TAF12: variants seen among roughly 807,000 people sequenced by gnomAD.
TAF12 encodes TATA-box binding protein associated factor 12, also known as transcription initiation factor TFIID subunit 12.
Under a neutral mutation model 20.8 loss-of-function variants are expected in TAF12, and 3 were observed. The ratio of observed to expected loss-of-function variants is 0.14; its 90% CI spans 0.07 to 0.37. The LOEUF (loss-of-function observed/expected upper bound fraction) is 0.37, where lower values mean the gene tolerates loss of function less well. Among genes scored for constraint, TAF12 ranks in the 10% least tolerant of loss-of-function variants. TAF12 has a pLI of 1.00. For synonymous variants in TAF12, 69 were observed against 70.2 expected, an observed-to-expected ratio of 0.98 and a Z score of 0.09; for missense variants, 131 against 197.9, an observed-to-expected ratio of 0.66 and a Z score of 2.03.
At chr1:28,613,611 C>T (rs781043465) in intron 3 of TAF12, among the ~76,000 whole-genome samples, 17 of 152,216 alleles carry the variant, frequency 1.1e-4, no homozygotes, top group Admixed American at 6.6e-5. Context: ...CCAATCCCTA[C>T]CCTCCATATC....
At chr1:28,645,727 T>C (rs928964317), upstream of TAF12, among the ~76,000 whole-genome samples, 3 of 151,962 alleles carry the variant, frequency 2.0e-5, no homozygotes, top group Non-Finnish European at 2.9e-5. Context: ...TCCCAGCATT[T>C]TGGGAGGCCG....
chr1:28,624,797 GTTCTCCTGGTTTACGCT>G (rs1263057159), intron 1 of TAF12, among the ~76,000 whole-genome samples: 1 of 151,856 alleles, frequency 6.6e-6, no homozygotes, highest in Admixed American at 6.6e-5. Context: ...AAGAAATCAT[GTTCTCCTGGTTTACGCT>G]TAATAAAGGC....
intron 1 of TAF12, among the ~76,000 whole-genome samples, chr1:28,624,524 A>T (rs757349920): frequency 1.4e-4 from 21 of 152,180 alleles, no homozygotes; most frequent in Non-Finnish European, 2.9e-4. Context: ...AGGCAGGCAG[A>T]TCACTTGAGG....
chr1:28,624,239 A>G (rs1004519837), intron 1 of TAF12, among the ~76,000 whole-genome samples: 2 of 152,140 alleles, frequency 1.3e-5, no homozygotes, highest in Admixed American at 1.3e-4. Flanking sequence ...GCACATATAG[A>G]CCACCTTCTT....
chr1:28,608,998 CATGTAT>C (rs1557457388), intron 4 of TAF12, among the ~76,000 whole-genome samples: 2 of 152,074 alleles, frequency 1.3e-5, no homozygotes, highest in Non-Finnish European at 2.9e-5. Flanking sequence ...TGAATACATA[CATGTAT>C]GTGTGTCTAT....
In TAF12 at chr1:28,617,947, C is replaced by G; in HGVS notation, c.246+6G>C. 1 of 1,614,060 alleles carries G rather than the reference C, an allele frequency of 6.2e-7. No homozygotes were observed. On this transcript the variant is annotated splice_donor_region_variant and intron_variant, in intron 3 of 5. Transcript: ENST00000373824. ...CCAGTTTCTGGGGTACCCAACCCCA[C>G]CTTACCTCCTCCACATCTTCATCCA... is the stretch of plus-strand genomic sequence containing the variant.
At chr1:28,647,479 G>C (rs967575512), upstream of TAF12, among the ~76,000 whole-genome samples, 1 of 151,886 alleles carries the variant, frequency 6.6e-6, no homozygotes, top group Non-Finnish European at 1.5e-5. Flanking sequence ...GTAGGGACGA[G>C]GTCTCTATAT....
intron 3 of TAF12, among the ~76,000 whole-genome samples, chr1:28,615,733 C>T (rs529385540): frequency 2.3e-4 from 28 of 122,154 alleles, no homozygotes; most frequent in African/African-American, 8.6e-4. Flanking sequence ...GATAAATCCT[C>T]AAGATAGGAG....
At chr1:28,607,271 C>T (rs1448683800) in intron 4 of TAF12, among the ~76,000 whole-genome samples, 1 of 152,238 alleles carries the variant, frequency 6.6e-6, no homozygotes, top group African/African-American at 2.4e-5. Context: ...GTGGCTCATT[C>T]CTGTAATCTC....
chr1:28,603,576 TGAAAG>T lies in TAF12; in HGVS notation c.451-7_451-3del. 6.2e-7 allele frequency: 1 copy of T among 1,613,760 alleles called. No homozygotes were observed. Among genetic ancestry groups the T allele is most frequent in the Non-Finnish European group, 8.5e-7 (1 of 1,180,032 alleles). The stretch of plus-strand genomic sequence containing the variant: ...TGTTTTCCGGATCAATGCCATTCTC[TGAAAG>T]GAGAGACAAATAAGCAGTTATACAG... On this transcript the variant is annotated splice_polypyrimidine_tract_variant and splice_region_variant and intron_variant, in intron 5 of 5. Coordinates refer to ENST00000373824, the MANE Select transcript of TAF12 (RefSeq NM_005644.4).
At chr1:28,635,779 A>G (rs1667802704) in intron 1 of TAF12, among the ~76,000 whole-genome samples, 1 of 151,034 alleles carries the variant, frequency 6.6e-6, no homozygotes, top group Admixed American at 6.6e-5. Context: ...TAGTTGTAAG[A>G]CCCTGGTATT....
At chr1:28,605,729 G>A (rs974668759) in intron 4 of TAF12, among the ~76,000 whole-genome samples, 6 of 152,144 alleles carry the variant, frequency 3.9e-5, no homozygotes, top group Non-Finnish European at 8.8e-5. Context: ...CAGCACAAGC[G>A]ATATTCCCAT....
At chr1:28,616,810 T>C (rs1050554932) in intron 3 of TAF12, among the ~76,000 whole-genome samples, 2 of 151,878 alleles carry the variant, frequency 1.3e-5, no homozygotes, top group East Asian at 1.9e-4. Flanking sequence ...TCTACCATAA[T>C]AGGGAATCAA....
upstream of TAF12, among the ~76,000 whole-genome samples, chr1:28,646,920 G>C (rs555806653): frequency 4.0e-5 from 6 of 151,878 alleles, no homozygotes; most frequent in Non-Finnish European, 5.9e-5. Flanking sequence ...GGATGGTCTC[G>C]ATCTTCTGAC....
At chr1:28,610,745 C>A (rs369356635) in intron 4 of TAF12, among the ~76,000 whole-genome samples, 9 of 151,674 alleles carry the variant, frequency 5.9e-5, no homozygotes, top group Non-Finnish European at 1.2e-4. Flanking sequence ...GAGGATCAGG[C>A]GGTCAGGAGT....
In TAF12 at chr1:28,610,969, A is replaced by C. The variant is rs570757855; in HGVS notation, c.361+2278T>G. Among the ~76,000 whole-genome samples, 56 of 124,616 alleles carry C rather than the reference A, an allele frequency of 4.5e-4. No homozygotes were observed. In the East Asian group the frequency reaches 0.01, roughly 23 times the overall value. 81.8% of individuals were successfully genotyped at this position (124,616 alleles called of 152,430 possible). A position where few individuals can be genotyped will look rare whatever the true frequency, so the allele number is the denominator to read the frequency against. ...AGTGAGACTGTCTCAAAAAAAAAAA[A>C]AAAAAAAAAAAAAACACAGGTGGAG... On this transcript the variant is annotated intron_variant, in intron 4 of 5. Coordinates refer to ENST00000373824, the MANE Select transcript of TAF12 (RefSeq NM_005644.4).
intron 1 of TAF12, among the ~76,000 whole-genome samples, chr1:28,634,415 CAA>C (rs1159192480): frequency 1.9e-4 from 8 of 41,530 alleles, no homozygotes; most frequent in Admixed American, 2.6e-4. Flanking sequence ...GACTCCATCT[CAA>C]AAAAAAAAAA....
chr1:28,604,716 G>A (rs1292273638), intron 5 of TAF12, among the ~76,000 whole-genome samples: 4 of 152,168 alleles, frequency 2.6e-5, no homozygotes, highest in Non-Finnish European at 4.4e-5. Context: ...AGTTGTGCCT[G>A]CTAAGCTTGG....
At chr1:28,636,823 T>C (rs1285446696) in intron 1 of TAF12, among the ~76,000 whole-genome samples, 5 of 151,770 alleles carry the variant, frequency 3.3e-5, no homozygotes, top group African/African-American at 9.7e-5. Flanking sequence ...AAAATCAACA[T>C]ACTGCTCAAT....
Sources: gnomAD v4.1 joint callset for allele counts (sites outside exome capture counted in the v4.1 genomes callset) on GRCh38, gnomAD v4.1.1 for gene constraint, MANE v1.5 for transcripts, NCBI Gene and HGNC (gene_info 2026-07-23, HGNC 2026-07-21) for gene names.